Variants in MBOAT1 observed in about 807,000 individuals in gnomAD.
MBOAT1 encodes membrane bound glycerophospholipid O-acyltransferase 1, also known as membrane-bound glycerophospholipid O-acyltransferase 1.
A neutral mutation model predicts 64.4 loss-of-function variants in MBOAT1; 67 were observed. The observed-to-expected ratio is 1.04, with a 90% confidence interval of 0.85 to 1.27. The LOEUF (loss-of-function observed/expected upper bound fraction) is 1.27. Among genes scored for constraint, MBOAT1 ranks in the 50% most tolerant of loss-of-function variants. The probability of loss-of-function intolerance (pLI) is 0.00; values close to 1 mark genes in which losing one functional copy is unlikely to be tolerated. For missense variants in MBOAT1, 563 were observed against 604.6 expected (o/e 0.93, Z 0.72); for synonymous variants, 229 against 218.9 (o/e 1.05, Z -0.41).
At chr6:20,165,365 C>A (rs1761985727) in intron 1 of MBOAT1, among the ~76,000 whole-genome samples, 1 of 152,032 alleles carries the variant, frequency 6.6e-6, no homozygotes, top group South Asian at 2.1e-4. Flanking sequence ...CTAGTCCACT[C>A]CATACACCCT....
intron 9 of MBOAT1, among the ~76,000 whole-genome samples, chr6:20,115,772 C>T (rs1197687819): frequency 2.0e-5 from 3 of 152,112 alleles, no homozygotes; most frequent in Non-Finnish European, 4.4e-5. Context: ...CTTTTCACTG[C>T]GTAGCCCTCT....
intron 1 of MBOAT1, among the ~76,000 whole-genome samples, chr6:20,192,683 C>T (rs1026592061): frequency 6.6e-5 from 10 of 152,220 alleles, no homozygotes; most frequent in Non-Finnish European, 1.2e-4. Flanking sequence ...AAAGAGCGCA[C>T]TAAAACCTTT....
chr6:20,173,511 T>C (rs1422062895), intron 1 of MBOAT1, among the ~76,000 whole-genome samples: 1 of 152,218 alleles, frequency 6.6e-6, no homozygotes, highest in East Asian at 1.9e-4. Flanking sequence ...GGAAAATACC[T>C]GAAAGAGTCA....
At chr6:20,140,892 T>C (rs1348288503) in intron 4 of MBOAT1, among the ~76,000 whole-genome samples, 2 of 152,156 alleles carry the variant, frequency 1.3e-5, no homozygotes, top group East Asian at 1.9e-4. Context: ...GCTAAACGTA[T>C]GACACAATGG....
chr6:20,105,630 C>T lies in MBOAT1; in HGVS notation c.1362-3218G>A, dbSNP rs6456297. Among the ~76,000 whole-genome samples, 1,262 of 152,058 alleles carry T rather than the reference C, an allele frequency of 8.3e-3. 19 individuals are homozygous for T. Among genetic ancestry groups the T allele is most frequent in the African/African-American group, 0.029 (1,213 of 41,476 alleles). ...AATAAAAAAATTAGGCGGGTGCGGT[C>T]GCACGTGCCTGTAATCCCAGCTACT... On this transcript the variant is annotated intron_variant, in intron 12 of 12. Coordinates refer to ENST00000324607, the MANE Select transcript of MBOAT1 (RefSeq NM_001080480.3).
At chr6:20,172,746 A>G (rs1762235903) in intron 1 of MBOAT1, among the ~76,000 whole-genome samples, 1 of 152,252 alleles carries the variant, frequency 6.6e-6, no homozygotes, top group African/African-American at 2.4e-5. Context: ...ACAGACCATC[A>G]ATAGCATATT....
chr6:20,113,091 T>G, intron 10 of MBOAT1, 83 bp from the exon 11 acceptor site: 1 of 1,502,280 alleles, frequency 6.7e-7, no homozygotes, highest in Non-Finnish European at 8.9e-7. Flanking sequence ...GATAAGACCA[T>G]GCAGAAAGCA....
intron 9 of MBOAT1, among the ~76,000 whole-genome samples, chr6:20,115,993 T>C (rs1263648650): frequency 1.5e-5 from 1 of 65,970 alleles, no homozygotes; most frequent in Non-Finnish European, 3.7e-5. Context: ...GTTTTCTCAT[T>C]AGAAAAAAAA....
intron 1 of MBOAT1, among the ~76,000 whole-genome samples, chr6:20,211,926 CACTT>C (rs1426671453): frequency 2.0e-5 from 3 of 151,922 alleles, no homozygotes; most frequent in Admixed American, 6.5e-5. Context: ...TATTTTTTCA[CACTT>C]ACAAGGAGAA....
At chr6:20,184,880 AGTGTGTGTGTGTGTGTGT>A (rs58865791) in intron 1 of MBOAT1, among the ~76,000 whole-genome samples, 1 of 142,866 alleles carries the variant, frequency 7.0e-6, no homozygotes, top group Non-Finnish European at 1.5e-5. Context: ...TTATAACTGC[AGTGTGTGTGTGTGTGTGT>A]GTGTGTGTGT....
At position 20,131,374 on chromosome 6, in the gene MBOAT1, G is replaced by A. The variant is rs1414453785; in HGVS notation, c.420-175C>T. On this transcript the variant is annotated intron_variant, in intron 4 of 12. Coordinates refer to ENST00000324607, the MANE Select transcript of MBOAT1 (RefSeq NM_001080480.3). ...GGGCAGTTACCTCCATGCTGTTCTCGTGATAGTGAGTGAGTTCTCACAAGA... is the reference window on the plus strand; with the variant it reads ...GGGCAGTTACCTCCATGCTGTTCTCATGATAGTGAGTGAGTTCTCACAAGA... 3.3e-5 allele frequency among the ~76,000 whole-genome samples: 5 copies of A among 152,312 alleles called. No homozygotes were observed. The East Asian group carries it at 5.8e-4, about 18-fold the overall frequency.
intron 1 of MBOAT1, among the ~76,000 whole-genome samples, chr6:20,169,127 G>A (rs1321850393): frequency 2.0e-5 from 3 of 151,942 alleles, no homozygotes; most frequent in Non-Finnish European, 4.4e-5. Context: ...AGCCATATAC[G>A]CTCTCCTGTA....
Position 20,101,230 on chromosome 6 carries a change from G to A in MBOAT1, c.*1056C>T, listed in dbSNP as rs1330284230. Among the ~76,000 whole-genome samples the A allele has an allele frequency of 6.6e-6, 1 of 152,172 alleles. No individual in the cohort carries two copies. Among genetic ancestry groups the A allele is most frequent in the East Asian group, 1.9e-4 (1 of 5,194 alleles). The stretch of plus-strand genomic sequence containing the variant: ...GGTGTCTTCTCAAGACCAACCCCGG[G>A]CAAGCAGGTGGCGCCTGTGAAATGG... On this transcript the variant is annotated 3_prime_UTR_variant, in exon 13 of 13. Coordinates refer to ENST00000324607, the MANE Select transcript of MBOAT1 (RefSeq NM_001080480.3).
intron 1 of MBOAT1, among the ~76,000 whole-genome samples, chr6:20,168,970 G>A (rs192183230): frequency 3.4e-4 from 51 of 151,378 alleles, no homozygotes; most frequent in African/African-American, 1.2e-3. Context: ...GAAAACGATG[G>A]AACAGATTCC....
At chr6:20,116,188 CG>C (rs1437230604) in intron 9 of MBOAT1, among the ~76,000 whole-genome samples, 1 of 151,840 alleles carries the variant, frequency 6.6e-6, no homozygotes. Flanking sequence ...AAAAGTTAGC[CG>C]GGCCTGGTAG....
At chr6:20,179,867 A>G (rs1308432731) in intron 1 of MBOAT1, among the ~76,000 whole-genome samples, 1 of 152,120 alleles carries the variant, frequency 6.6e-6, no homozygotes, top group Non-Finnish European at 1.5e-5. Flanking sequence ...CTGGTATGAG[A>G]TGCTATCTCA....
intron 1 of MBOAT1, 100 bp from the exon 2 acceptor site, chr6:20,152,869 G>T (rs1384686864): frequency 6.0e-5 from 82 of 1,361,092 alleles, no homozygotes; most frequent in Non-Finnish European, 7.9e-5. Flanking sequence ...GTCTCGTTCT[G>T]TCGCCCAGGC....
At chr6:20,164,202 CACA>C (rs1761948534) in intron 1 of MBOAT1, among the ~76,000 whole-genome samples, 1 of 147,134 alleles carries the variant, frequency 6.8e-6, no homozygotes, top group Admixed American at 6.7e-5. Flanking sequence ...CACACACACA[CACA>C]AACACACCCC....
intron 1 of MBOAT1, among the ~76,000 whole-genome samples, chr6:20,175,146 A>G (rs951512425): frequency 2.0e-5 from 3 of 152,342 alleles, no homozygotes; most frequent in Admixed American, 2.0e-4. Context: ...ATCCCACAAA[A>G]GAAAAAAAAT....
Sources: gnomAD v4.1 joint callset for allele counts (sites outside exome capture counted in the v4.1 genomes callset) on GRCh38, gnomAD v4.1.1 for gene constraint, MANE v1.5 for transcripts, NCBI Gene and HGNC (gene_info 2026-07-23, HGNC 2026-07-21) for gene names.